Variants in ENTREP2 observed in about 807,000 individuals in gnomAD.
ENTREP2 encodes the protein endosomal transmembrane epsin interactor 2, also known as protein ENTREP2.
chr15:29,615,447 C>T, the ENTREP2 span, among the ~76,000 whole-genome samples: 1 of 152,150 alleles, frequency 6.6e-6, no homozygotes, highest in South Asian at 2.1e-4. Flanking sequence ...AGCCACAACG[C>T]CTGGCCCCCT....
the ENTREP2 span, among the ~76,000 whole-genome samples, chr15:29,523,587 T>TTTTTA: frequency 6.7e-6 from 1 of 148,212 alleles, no homozygotes; most frequent in East Asian, 2.0e-4. Context: ...TTTTTTTTTT[T>TTTTTA]TTTGCAAAAA....
chr15:29,416,825 C>A, the ENTREP2 span, among the ~76,000 whole-genome samples: 1 of 152,134 alleles, frequency 6.6e-6, no homozygotes, highest in Non-Finnish European at 1.5e-5. Flanking sequence ...ACCCCATCAA[C>A]AAGTGGGCAA....
the ENTREP2 span, among the ~76,000 whole-genome samples, chr15:29,315,066 T>C: frequency 1.3e-5 from 2 of 151,940 alleles, no homozygotes; most frequent in Non-Finnish European, 2.9e-5. Context: ...AGAAAGAAAA[T>C]GGTGACATGC....
the ENTREP2 span, among the ~76,000 whole-genome samples, chr15:29,140,325 G>A: frequency 2.6e-5 from 4 of 152,286 alleles, no homozygotes; most frequent in Admixed American, 1.3e-4. Flanking sequence ...ACGCCTCCTT[G>A]CGGGGCAACT....
chr15:29,574,830 A>C, the ENTREP2 span, among the ~76,000 whole-genome samples: 5 of 152,182 alleles, frequency 3.3e-5, no homozygotes, highest in African/African-American at 1.2e-4. Flanking sequence ...CTTGGATCTC[A>C]CAATTTCTGC....
At chr15:29,570,965 G>A in the ENTREP2 span, among the ~76,000 whole-genome samples, 1 of 144,910 alleles carries the variant, frequency 6.9e-6, no homozygotes, top group Non-Finnish European at 1.5e-5. Flanking sequence ...CGCCGGCCGC[G>A]CCGCGCTGCG....
At chr15:29,640,011 T>C in the ENTREP2 span, among the ~76,000 whole-genome samples, 1 of 152,070 alleles carries the variant, frequency 6.6e-6, no homozygotes, top group African/African-American at 2.4e-5. Context: ...TCAGGCAGTC[T>C]GCCCGCCTTG....
chr15:29,348,378 A>G, the ENTREP2 span, among the ~76,000 whole-genome samples: 1 of 152,272 alleles, frequency 6.6e-6, no homozygotes, highest in Non-Finnish European at 1.5e-5. Context: ...CCTCACTGAA[A>G]TGTCAACAGA....
the ENTREP2 span, chr15:29,375,320 T>C: frequency 6.6e-6 from 1 of 152,260 alleles, no homozygotes; most frequent in African/African-American, 2.4e-5. Context: ...AGTTCTTTCA[T>C]GGCCTCAGTT....
chr15:29,647,510 A>G, the ENTREP2 span, among the ~76,000 whole-genome samples: 1 of 152,160 alleles, frequency 6.6e-6, no homozygotes, highest in African/African-American at 2.4e-5. Flanking sequence ...ATGTACTGTA[A>G]TGTACAGTAC....
At chr15:29,554,828 A>C in the ENTREP2 span, among the ~76,000 whole-genome samples, 1 of 151,782 alleles carries the variant, frequency 6.6e-6, no homozygotes, top group African/African-American at 2.4e-5. Flanking sequence ...ATTTCCATCT[A>C]AAAGGCATGG....
the ENTREP2 span, among the ~76,000 whole-genome samples, chr15:29,190,851 C>T: frequency 6.6e-6 from 1 of 152,108 alleles, no homozygotes; most frequent in Non-Finnish European, 1.5e-5. Context: ...GATCAATGGA[C>T]CTGCTCTAAT....
chr15:29,536,569 A>G, the ENTREP2 span, among the ~76,000 whole-genome samples: 2 of 149,032 alleles, frequency 1.3e-5, no homozygotes, highest in Non-Finnish European at 3.0e-5. Flanking sequence ...GTGCCACTGC[A>G]CTCCAGCCTG....
At chr15:29,543,213 A>T in the ENTREP2 span, among the ~76,000 whole-genome samples, 1 of 152,190 alleles carries the variant, frequency 6.6e-6, no homozygotes, top group Non-Finnish European at 1.5e-5. Context: ...GAATCATAAT[A>T]GTGTCCATTA....
At chr15:29,665,093 G>A in the ENTREP2 span, among the ~76,000 whole-genome samples, 1 of 152,224 alleles carries the variant, frequency 6.6e-6, no homozygotes. Context: ...CACCTGGGGA[G>A]TTCATGGCTA....
the ENTREP2 span, among the ~76,000 whole-genome samples, chr15:29,413,177 A>C: frequency 6.6e-6 from 1 of 152,152 alleles, no homozygotes; most frequent in African/African-American, 2.4e-5. Flanking sequence ...TACTCTACAA[A>C]CTAAAAAACT....
At chr15:29,338,716 A>G in the ENTREP2 span, among the ~76,000 whole-genome samples, 1 of 152,152 alleles carries the variant, frequency 6.6e-6, no homozygotes, top group Non-Finnish European at 1.5e-5. Context: ...TACCTCTTCA[A>G]CACTCATGAG....
chr15:29,519,824 A>T, the ENTREP2 span, among the ~76,000 whole-genome samples: 1 of 152,206 alleles, frequency 6.6e-6, no homozygotes, highest in Non-Finnish European at 1.5e-5. Context: ...CCACCAAAGA[A>T]GTGAAAATAG....
At chr15:29,489,468 T>C in the ENTREP2 span, among the ~76,000 whole-genome samples, 1 of 150,034 alleles carries the variant, frequency 6.7e-6, no homozygotes, top group African/African-American at 2.5e-5. Flanking sequence ...CAGGATAAAA[T>C]TCCATGTGTA....
Sources: gnomAD v4.1 joint callset for allele counts (sites outside exome capture counted in the v4.1 genomes callset) on GRCh38, gnomAD v4.1.1 for gene constraint, MANE v1.5 for transcripts, NCBI Gene and HGNC (gene_info 2026-07-23, HGNC 2026-07-21) for gene names.